Variants in ADAMDEC1 observed in about 807,000 individuals in gnomAD.
The protein encoded by ADAMDEC1 is ADAM like decysin 1.
A neutral mutation model predicts 60.4 loss-of-function variants in ADAMDEC1; 62 were observed. The ratio of observed to expected loss-of-function variants is 1.03; its 90% confidence interval spans 0.84 to 1.27. The LOEUF is 1.27. Ranked by LOEUF, ADAMDEC1 falls within the 50% of genes most tolerant of loss-of-function variation. The pLI is 0.00. For synonymous variants in ADAMDEC1, 210 were observed against 195.1 expected (o/e 1.08, Z -0.64); for missense variants, 595 against 565.0 (o/e 1.05, Z -0.54).
At chr8:24,391,236 GGAA>G (rs1205306523) in intron 1 of ADAMDEC1, among the ~76,000 whole-genome samples, 6 of 152,128 alleles carry the variant, frequency 3.9e-5, no homozygotes, top group African/African-American at 7.2e-5. Context: ...CATACTGAGT[GGAA>G]AACTGTCTCT....
At chr8:24,392,886 G>GT (rs34415946) in intron 2 of ADAMDEC1, among the ~76,000 whole-genome samples, 1,521 of 50,324 alleles carry the variant, frequency 0.03, 152 homozygotes, top group East Asian at 0.055. Context: ...GGGTTGAGAG[G>GT]TTTTTTTTTT....
chr8:24,390,161 C>T lies in ADAMDEC1; in HGVS notation c.89-2101C>T, dbSNP rs751505141. The T allele has an allele frequency of 6.6e-5, 65 of 985,068 alleles. 1 individual carries two copies. The South Asian group carries it at 8.7e-4, about 13-fold the overall frequency. 61.0% of individuals were successfully genotyped at this position (985,068 alleles called of 1,614,324 possible). ...CTGTGCGTGGCCTAAAGTCAGCATT[C>T]AATAAATATTTGTGAAATGAATATT... On this transcript the variant is annotated intron_variant, in intron 1 of 13. Coordinates refer to ENST00000256412, the MANE Select transcript of ADAMDEC1 (RefSeq NM_014479.3).
Position 24,400,307 on chromosome 8 carries a change from C to T in ADAMDEC1, c.1142+7C>T, listed in dbSNP as rs754412982. On this transcript the variant is annotated splice_region_variant and intron_variant, in intron 11 of 13. Coordinates refer to ENST00000256412, the MANE Select transcript of ADAMDEC1 (RefSeq NM_014479.3). ...TGATGAATCAGTATCTGAGGTGAGA[C>T]CTTGTCATCCTAAAAGGAGAGAGAT... The T allele has an allele frequency of 6.3e-7, 1 of 1,585,872 alleles. No individual in the cohort carries two copies. Among genetic ancestry groups the T allele is most frequent in the East Asian group, 2.2e-5 (1 of 44,478 alleles).
At chr8:24,392,648 C>T (rs13280953) in intron 2 of ADAMDEC1, among the ~76,000 whole-genome samples, 51,183 of 151,992 alleles carry the variant, frequency 0.34, 10,232 homozygotes, top group Non-Finnish European at 0.44. Context: ...GGAGAGAAGC[C>T]CGGGAAGGTC....
At position 24,389,751 on chromosome 8, in the gene ADAMDEC1, C is replaced by T. The variant is rs534299618; in HGVS notation, c.89-2511C>T. Among the ~76,000 whole-genome samples the T allele has an allele frequency of 4.6e-5, 7 of 152,244 alleles. No individual in the cohort carries two copies. In the East Asian group the frequency reaches 1.4e-3, roughly 29 times the overall value. ...AGATCCCTGTGGTTTCTTAAATGCA[C>T]TCTCTATCCAGGATCTCACATTAAA... On this transcript the variant is annotated intron_variant, in intron 1 of 13. Transcript: ENST00000256412.
Position 24,390,943 on chromosome 8 carries a change from T to C in ADAMDEC1, c.89-1319T>C, listed in dbSNP as rs539756372. Among the ~76,000 whole-genome samples the C allele has an allele frequency of 3.2e-4, 49 of 152,296 alleles. 1 individual carries two copies. In the South Asian group the frequency reaches 9.1e-3, roughly 28 times the overall value. On this transcript the variant is annotated intron_variant, in intron 1 of 13. Coordinates refer to ENST00000256412, the MANE Select transcript of ADAMDEC1 (RefSeq NM_014479.3). The stretch of plus-strand genomic sequence containing the variant: ...AGATATTTTGAGGGCTCTTCCAAAA[T>C]TGCATGATTAGTGCTAACGTTGGGA...
Position 24,405,435 on chromosome 8 carries a change from C to A in ADAMDEC1, c.*137C>A. ...TCTACTTTCTATATTGTTATCAGTCCAGGAAACAGGTAAACAGATGTAATT... is the reference window on the plus strand; with the variant it reads ...TCTACTTTCTATATTGTTATCAGTCAAGGAAACAGGTAAACAGATGTAATT... On this transcript the variant is annotated 3_prime_UTR_variant, in exon 14 of 14. Transcript: ENST00000256412. 2 of 926,174 alleles carry A rather than the reference C, an allele frequency of 2.2e-6. No homozygotes were observed. The highest frequency in any genetic ancestry group is 2.2e-4 in the Middle Eastern group (1 of 4,530). 57.4% of individuals were successfully genotyped at this position (926,174 alleles called of 1,614,324 possible). A position where few individuals can be genotyped will look rare whatever the true frequency, so the allele number is the denominator to read the frequency against.
In ADAMDEC1 at chr8:24,393,590, G is replaced by C. The variant is rs140513654; in HGVS notation, c.284+252G>C. Among the ~76,000 whole-genome samples the C allele has an allele frequency of 2.0e-5, 3 of 152,168 alleles. No individual in the cohort carries two copies. In the East Asian group the frequency reaches 5.8e-4, roughly 29 times the overall value. The stretch of plus-strand genomic sequence containing the variant: ...CTTAGTGAACTTCTTTTTCTACTCA[G>C]ATAAACTCAAGACTTTGATGCAGCT... On this transcript the variant is annotated intron_variant, in intron 3 of 13. Coordinates refer to ENST00000256412, the MANE Select transcript of ADAMDEC1 (RefSeq NM_014479.3).
intron 13 of ADAMDEC1, 52 bp from the exon 14 acceptor site, chr8:24,405,240 T>A: frequency 6.5e-7 from 1 of 1,539,298 alleles, no homozygotes; most frequent in Admixed American, 1.7e-5. Flanking sequence ...TACATAATAT[T>A]TTGTAACTTG....
chr8:24,398,815 G>T, intron 8 of ADAMDEC1, 59 bp from the exon 9 acceptor site: 1 of 1,539,538 alleles, frequency 6.5e-7, no homozygotes. Flanking sequence ...GTCAACAAAA[G>T]CTCTCAGACA....
intron 4 of ADAMDEC1, among the ~76,000 whole-genome samples, chr8:24,394,728 G>T (rs1303805932): frequency 4.0e-4 from 61 of 151,650 alleles, no homozygotes; most frequent in Admixed American, 4.0e-3. Context: ...CCCTAAACCT[G>T]CATTTCTCTA....
chr8:24,398,878 A>G lies in ADAMDEC1; in HGVS notation c.767A>G (p.Tyr256Cys), dbSNP rs777537593. The change falls in exon 9 of 14, where the codon TAT becomes TGT. Residue 256 changes from tyrosine (Y) to cysteine (C), a missense_variant. Coordinates refer to ENST00000256412, the MANE Select transcript of ADAMDEC1 (RefSeq NM_014479.3). ...AGATAAATGCTCTTTCCACAGATAT[A>G]TAACACCATAGATGTTCAAGTGGCC... is the stretch of plus-strand genomic sequence containing the variant. ...FDVMNLLNVI[Y>C]NTIDVQVALV... 38 of 1,613,194 alleles carry G rather than the reference A, an allele frequency of 2.4e-5. No individual in the cohort carries two copies. Among genetic ancestry groups the G allele is most frequent in the Middle Eastern group, 3.3e-4 (2 of 6,080 alleles).
intron 12 of ADAMDEC1, among the ~76,000 whole-genome samples, chr8:24,403,190 A>G (rs867254887): frequency 6.6e-6 from 1 of 152,032 alleles, no homozygotes; most frequent in Non-Finnish European, 1.5e-5. Flanking sequence ...TTTTTTTCTT[A>G]TGTAATTGAA....
chr8:24,385,971 TC>T (rs1156330410), intron 1 of ADAMDEC1, among the ~76,000 whole-genome samples: 7 of 151,790 alleles, frequency 4.6e-5, no homozygotes, highest in African/African-American at 1.5e-4. Context: ...ATATCTTTTT[TC>T]CCCCCATTCC....
At chr8:24,398,315 A>G (rs1433952923) in intron 7 of ADAMDEC1, among the ~76,000 whole-genome samples, 165 bp from the exon 8 acceptor site, 1 of 152,144 alleles carries the variant, frequency 6.6e-6, no homozygotes, top group African/African-American at 2.4e-5. Context: ...TAACATTTGA[A>G]ATAGAATTTG....
chr8:24,401,761 C>A (rs78839765), intron 11 of ADAMDEC1, among the ~76,000 whole-genome samples, 154 bp from the exon 12 acceptor site: 6,121 of 152,254 alleles, frequency 0.04, 173 homozygotes, highest in Non-Finnish European at 0.061. Flanking sequence ...TAATACAGGG[C>A]AGTCCTAAAT....
At chr8:24,399,372 T>A in intron 9 of ADAMDEC1, 21 bp from the exon 10 acceptor site, 1 of 1,605,546 alleles carries the variant, frequency 6.2e-7, no homozygotes, top group Non-Finnish European at 8.5e-7. Flanking sequence ...GTGACAGTAG[T>A]ATCTGTAACT....
At chr8:24,390,858 C>A (rs1817428540) in intron 1 of ADAMDEC1, among the ~76,000 whole-genome samples, 1 of 151,876 alleles carries the variant, frequency 6.6e-6, no homozygotes, top group Admixed American at 6.6e-5. Flanking sequence ...GTAATCTACT[C>A]TTATAAAGTT....
chr8:24,388,892 A>G (rs1817366477), intron 1 of ADAMDEC1, among the ~76,000 whole-genome samples: 1 of 152,172 alleles, frequency 6.6e-6, no homozygotes, highest in Admixed American at 6.5e-5. Context: ...ACTTACAAAG[A>G]GAAGCCATGT....
Sources: gnomAD v4.1 joint callset for allele counts (sites outside exome capture counted in the v4.1 genomes callset) on GRCh38, gnomAD v4.1.1 for gene constraint, MANE v1.5 for transcripts, NCBI Gene and HGNC (gene_info 2026-07-23, HGNC 2026-07-21) for gene names.